CTNND2: variants seen among roughly 807,000 people sequenced by gnomAD.
The protein encoded by CTNND2 is catenin delta 2, also known as catenin delta-2.
Under a neutral mutation model 144.4 loss-of-function variants are expected in CTNND2, and 22 were observed. That is an observed-to-expected ratio of 0.15 (90% CI 0.11 to 0.22). The LOEUF (loss-of-function observed/expected upper bound fraction) is 0.22, where lower values mean the gene tolerates loss of function less well. Among genes scored for constraint, CTNND2 ranks in the 10% least tolerant of loss-of-function variants. The pLI, the probability that CTNND2 is intolerant of heterozygous loss-of-function variation, is 1.00. For synonymous variants in CTNND2, 751 were observed against 695.6 expected, an observed-to-expected ratio of 1.08 and a Z score of -1.25; for missense variants, 1,353 against 1,618.8, an observed-to-expected ratio of 0.84 and a Z score of 2.82.
chr5:11,814,156 T>G (rs1259725591), intron 1 of CTNND2, among the ~76,000 whole-genome samples: 1 of 152,258 alleles, frequency 6.6e-6, no homozygotes, highest in East Asian at 1.9e-4. Context: ...AGTCAAATAT[T>G]CAAAGTTCAA....
intron 1 of CTNND2, among the ~76,000 whole-genome samples, chr5:11,848,630 G>T (rs113477624): frequency 0.039 from 5,874 of 152,066 alleles, 241 homozygotes; most frequent in African/African-American, 0.11. Flanking sequence ...CTTCATGAAT[G>T]TCCTAAGCCT....
At chr5:11,112,113 T>C (rs1561321305) in intron 13 of CTNND2, among the ~76,000 whole-genome samples, 1 of 152,194 alleles carries the variant, frequency 6.6e-6, no homozygotes, top group African/African-American at 2.4e-5. Flanking sequence ...CCTCCCAAAG[T>C]GCTGGGATTA....
At chr5:11,256,947 C>A (rs1015704109) in intron 9 of CTNND2, among the ~76,000 whole-genome samples, 20 of 152,156 alleles carry the variant, frequency 1.3e-4, no homozygotes, top group African/African-American at 4.8e-4. Flanking sequence ...CACCCTTTTC[C>A]CCCAAGCTGT....
rs146041054 is a variant in CTNND2, at chr5:11,062,717, C to T, written c.2788+19979G>A. On this transcript the variant is annotated intron_variant, in intron 16 of 21. Transcript: ENST00000304623. ...TGTCGGGGACCGCGTAAAGGCTTGCCAGGGGGATACAGGGTTTGGGGTTTT... is the reference window on the plus strand; with the variant it reads ...TGTCGGGGACCGCGTAAAGGCTTGCTAGGGGGATACAGGGTTTGGGGTTTT... 3.0e-3 allele frequency among the ~76,000 whole-genome samples: 460 copies of T among 152,322 alleles called. 2 individuals are homozygous for T. Among genetic ancestry groups the T allele is most frequent in the South Asian group, 9.5e-3 (46 of 4,830 alleles).
At chr5:11,719,531 G>A (rs374379248) in intron 2 of CTNND2, among the ~76,000 whole-genome samples, 2 of 152,164 alleles carry the variant, frequency 1.3e-5, no homozygotes. Flanking sequence ...TCAGACCACA[G>A]AGGAAAGATT....
chr5:11,667,448 T>C (rs1326868188), intron 2 of CTNND2, among the ~76,000 whole-genome samples: 1 of 152,242 alleles, frequency 6.6e-6, no homozygotes, highest in African/African-American at 2.4e-5. Flanking sequence ...GACTTTTTAA[T>C]GATAACCATT....
At chr5:11,165,799 T>C (rs1759264046) in intron 11 of CTNND2, among the ~76,000 whole-genome samples, 1 of 152,246 alleles carries the variant, frequency 6.6e-6, no homozygotes, top group African/African-American at 2.4e-5. Flanking sequence ...TTAATTACTT[T>C]CATTTGCTTC....
intron 3 of CTNND2, among the ~76,000 whole-genome samples, chr5:11,499,802 T>C (rs555127889): frequency 3.9e-5 from 6 of 152,314 alleles, no homozygotes; most frequent in Admixed American, 3.9e-4. Flanking sequence ...ATCTTAAGGC[T>C]CTTTTACTTA....
At chr5:11,346,239 CA>C in intron 9 of CTNND2, 132 bp downstream of exon 9, 5 of 853,610 alleles carry the variant, frequency 5.9e-6, no homozygotes. Flanking sequence ...CCAAGTCAAA[CA>C]AAAGAAAACC....
At chr5:11,009,650 G>A (rs1477136111) in intron 18 of CTNND2, among the ~76,000 whole-genome samples, 1 of 152,152 alleles carries the variant, frequency 6.6e-6, no homozygotes, top group African/African-American at 2.4e-5. Context: ...TTTTTGTAGG[G>A]TTTGATTCAA....
rs116640443 is a variant in CTNND2 at position 11,736,379 on chromosome 5, C to T, written c.38-4107G>A. ...AGAAAGAGAAGTGGAATCTTCAAGGCTTATTCCACCGTACAGAGCTACCGC... is the reference window on the plus strand; with the variant it reads ...AGAAAGAGAAGTGGAATCTTCAAGGTTTATTCCACCGTACAGAGCTACCGC... On this transcript the variant is annotated intron_variant, in intron 1 of 21. Coordinates refer to ENST00000304623, the MANE Select transcript of CTNND2 (RefSeq NM_001332.4). Among the ~76,000 whole-genome samples, 679 of 152,316 alleles carry T rather than the reference C, an allele frequency of 4.5e-3. 10 individuals are homozygous for T. The highest frequency in any genetic ancestry group is 0.014 in the African/African-American group (588 of 41,564).
intron 1 of CTNND2, among the ~76,000 whole-genome samples, chr5:11,744,160 A>T (rs1383550911): frequency 2.0e-5 from 3 of 152,180 alleles, no homozygotes; most frequent in Non-Finnish European, 4.4e-5. Flanking sequence ...GCATGATCTC[A>T]GCCAATTTTA....
Position 11,783,950 on chromosome 5 carries a change from G to A in CTNND2, c.38-51678C>T, listed in dbSNP as rs146111466. On this transcript the variant is annotated intron_variant, in intron 1 of 21. Transcript: ENST00000304623. Reference sequence around the variant, plus strand: ...ATCACTTAGCAGAAAAGTGAGAAGAGTCAGGGAGTAGACTTGTGAACCACC... The same window carrying A: ...ATCACTTAGCAGAAAAGTGAGAAGAATCAGGGAGTAGACTTGTGAACCACC... Among the ~76,000 whole-genome samples, 393 of 152,340 alleles carry A rather than the reference G, an allele frequency of 2.6e-3. 3 individuals carry two copies. Among genetic ancestry groups the A allele is most frequent in the African/African-American group, 8.5e-3 (354 of 41,580 alleles).
At chr5:11,664,965 C>T (rs549012963) in intron 2 of CTNND2, among the ~76,000 whole-genome samples, 6 of 152,160 alleles carry the variant, frequency 3.9e-5, no homozygotes, top group East Asian at 3.9e-4. Context: ...AATGCCTCCC[C>T]GGAATGAAAA....
At chr5:11,665,703 A>G (rs930774520) in intron 2 of CTNND2, among the ~76,000 whole-genome samples, 2 of 152,170 alleles carry the variant, frequency 1.3e-5, no homozygotes, top group Admixed American at 6.6e-5. Context: ...CTTAATATTG[A>G]TGTGAAACTG....
At chr5:11,632,847 A>T (rs1561639880) in intron 2 of CTNND2, among the ~76,000 whole-genome samples, 1 of 152,214 alleles carries the variant, frequency 6.6e-6, no homozygotes, top group Non-Finnish European at 1.5e-5. Flanking sequence ...AAGAAGTACA[A>T]TAGCTGAGAT....
chr5:11,223,996 T>C (rs956640306), intron 10 of CTNND2, among the ~76,000 whole-genome samples: 1 of 152,198 alleles, frequency 6.6e-6, no homozygotes, highest in African/African-American at 2.4e-5. Flanking sequence ...GTCCCATCTA[T>C]TGGTAAGTAA....
chr5:11,765,420 G>T (rs1789526368), intron 1 of CTNND2, among the ~76,000 whole-genome samples: 1 of 152,094 alleles, frequency 6.6e-6, no homozygotes, highest in Admixed American at 6.5e-5. Flanking sequence ...TCAGAGAAGG[G>T]GAGCAAAGAC....
At chr5:11,198,736 A>T (rs1477976811) in intron 11 of CTNND2, among the ~76,000 whole-genome samples, 1 of 152,236 alleles carries the variant, frequency 6.6e-6, no homozygotes, top group Non-Finnish European at 1.5e-5. Context: ...GAAATGCTGT[A>T]TTGAGGCCAC....
Sources: gnomAD v4.1 joint callset for allele counts (sites outside exome capture counted in the v4.1 genomes callset) on GRCh38, gnomAD v4.1.1 for gene constraint, MANE v1.5 for transcripts, NCBI Gene and HGNC (gene_info 2026-07-23, HGNC 2026-07-21) for gene names.